Variants in RBFOX1 observed in about 807,000 individuals in gnomAD.
The protein encoded by RBFOX1 is RNA binding protein fox-1 homolog 1.
A neutral mutation model predicts 57.7 loss-of-function variants in RBFOX1; 8 were observed. The observed-to-expected ratio is 0.14, with a 90% CI of 0.08 to 0.25. The LOEUF (loss-of-function observed/expected upper bound fraction) is 0.25. RBFOX1 is among the 10% of genes least tolerant of loss of function. The pLI, the probability that RBFOX1 is intolerant of heterozygous loss-of-function variation, is 1.00. For synonymous variants in RBFOX1, 326 were observed against 222.4 expected (o/e 1.47, Z -4.15); for missense variants, 611 against 548.5 (o/e 1.11, Z -1.14).
intron 4 of RBFOX1, among the ~76,000 whole-genome samples, chr16:7,398,749 C>A (rs928982803): frequency 1.3e-5 from 2 of 152,184 alleles, no homozygotes; most frequent in Non-Finnish European, 2.9e-5. Flanking sequence ...GACTACAAAT[C>A]CCAGCTCTAG....
intron 3 of RBFOX1, among the ~76,000 whole-genome samples, chr16:6,933,936 A>T (rs2076961398): frequency 6.6e-6 from 1 of 152,192 alleles, no homozygotes; most frequent in Non-Finnish European, 1.5e-5. Context: ...AAAAAACAAC[A>T]ACATGGTATT....
chr16:6,764,742 A>G (rs1391000713), intron 3 of RBFOX1, among the ~76,000 whole-genome samples: 1 of 152,022 alleles, frequency 6.6e-6, no homozygotes, highest in African/African-American at 2.4e-5. Flanking sequence ...TACGAGACCA[A>G]CCTGGCCAAC....
Position 6,132,158 on chromosome 16 carries a change from T to C in RBFOX1, c.-127+112166T>C, listed in dbSNP as rs935785231. On this transcript the variant is annotated intron_variant, in intron 1 of 15. Coordinates refer to ENST00000550418, the MANE Select transcript of RBFOX1 (RefSeq NM_018723.4). ...AAATGTCTGACTGCCCTGGAACCTT[T>C]TTCCCCATGGGTGGTATGTGACTTT... 4.6e-5 allele frequency among the ~76,000 whole-genome samples: 7 copies of C among 152,340 alleles called. No homozygotes were observed. The South Asian group carries it at 1.4e-3, about 32-fold the overall frequency.
At chr16:6,514,985 C>T (rs557868253) in intron 2 of RBFOX1, among the ~76,000 whole-genome samples, 1 of 151,978 alleles carries the variant, frequency 6.6e-6, no homozygotes, top group South Asian at 2.1e-4. Flanking sequence ...AGAACAAAAA[C>T]AACCAGAGAA....
intron 1 of RBFOX1, among the ~76,000 whole-genome samples, chr16:5,286,392 C>T (rs368275398): frequency 1.3e-5 from 2 of 152,204 alleles, no homozygotes; most frequent in South Asian, 2.1e-4. Flanking sequence ...GGTAAGCTGG[C>T]GTTTCCTCAG....
intron 1 of RBFOX1, among the ~76,000 whole-genome samples, chr16:5,425,703 G>A (rs1281519079): frequency 6.6e-6 from 1 of 152,144 alleles, no homozygotes; most frequent in Admixed American, 6.5e-5. Flanking sequence ...AGGGGAGAGT[G>A]GCAAGAGGTC....
At chr16:7,603,884 TA>T (rs1220615989) in intron 9 of RBFOX1, among the ~76,000 whole-genome samples, 1 of 152,030 alleles carries the variant, frequency 6.6e-6, no homozygotes, top group Middle Eastern at 3.2e-3. Flanking sequence ...ATGTTTTTTT[TA>T]AAAAAATTGC....
chr16:5,538,501 C>G (rs938519623), intron 2 of RBFOX1, among the ~76,000 whole-genome samples: 5 of 152,170 alleles, frequency 3.3e-5, no homozygotes, highest in African/African-American at 1.2e-4. Context: ...AAGGGTAACA[C>G]TGGCTTGAGG....
At chr16:7,612,376 C>G (rs947250072) in intron 10 of RBFOX1, among the ~76,000 whole-genome samples, 1 of 143,600 alleles carries the variant, frequency 7.0e-6, no homozygotes, top group African/African-American at 2.6e-5. Context: ...TCCCCACACA[C>G]AAATCCAGGT....
At chr16:6,483,385 C>A in intron 2 of RBFOX1, 2 of 1,528,370 alleles carry the variant, frequency 1.3e-6, no homozygotes, top group Admixed American at 2.0e-5. Context: ...GCGCGCACGA[C>A]AGATGACTGG....
At chr16:7,333,308 T>C (rs2096726242) in intron 4 of RBFOX1, among the ~76,000 whole-genome samples, 1 of 152,210 alleles carries the variant, frequency 6.6e-6, no homozygotes, top group African/African-American at 2.4e-5. Flanking sequence ...TATTTGCTTG[T>C]ATTGATCTGA....
At chr16:7,099,348 C>G (rs1015589748) in intron 4 of RBFOX1, among the ~76,000 whole-genome samples, 1 of 152,110 alleles carries the variant, frequency 6.6e-6, no homozygotes, top group African/African-American at 2.4e-5. Context: ...ACCAGCTTCT[C>G]CTCGTAGGAT....
At chr16:6,021,180 G>A (rs1189981498) in intron 1 of RBFOX1, among the ~76,000 whole-genome samples, 6 of 152,142 alleles carry the variant, frequency 3.9e-5, no homozygotes, top group Non-Finnish European at 1.5e-5. Flanking sequence ...TCCTAACTTG[G>A]GTTTTCCTTT....
intron 1 of RBFOX1, among the ~76,000 whole-genome samples, chr16:6,043,142 AAAAAAAAAAAAAAAAAAAAAG>A: frequency 5.1e-5 from 5 of 97,722 alleles, no homozygotes; most frequent in African/African-American, 1.4e-4. Context: ...AAAAAAAAAA[AAAAAAAAAAAAAAAAAAAAAG>A]ATAAGGGGCG....
intron 2 of RBFOX1, among the ~76,000 whole-genome samples, chr16:6,556,266 G>T (rs57829877): frequency 2.0e-5 from 3 of 151,988 alleles, no homozygotes; most frequent in Admixed American, 2.0e-4. Context: ...GTACAAAAAG[G>T]CATCTTTGTC....
chr16:6,142,236 T>G (rs1203241875), intron 1 of RBFOX1, among the ~76,000 whole-genome samples: 1 of 148,852 alleles, frequency 6.7e-6, no homozygotes, highest in Admixed American at 6.7e-5. Flanking sequence ...TTTTTTTTTT[T>G]TTGGAGACGG....
intron 4 of RBFOX1, among the ~76,000 whole-genome samples, chr16:7,113,778 C>G (rs1357791301): frequency 6.6e-6 from 1 of 152,036 alleles, no homozygotes; most frequent in Admixed American, 6.6e-5. Flanking sequence ...TATTTGCTCC[C>G]TTATTGATGA....
At chr16:6,999,499 T>C (rs1006619478) in intron 3 of RBFOX1, among the ~76,000 whole-genome samples, 12 of 151,810 alleles carry the variant, frequency 7.9e-5, no homozygotes, top group African/African-American at 2.9e-4. Flanking sequence ...TTCTCAGTTG[T>C]TTAATGGTGG....
chr16:5,391,178 A>G (rs2066397776), intron 1 of RBFOX1, among the ~76,000 whole-genome samples: 2 of 152,238 alleles, frequency 1.3e-5, no homozygotes, highest in Admixed American at 1.3e-4. Context: ...AACTTGGGGC[A>G]TTAGTTTACT....
Sources: allele counts gnomAD v4.1 joint callset (sites outside exome capture counted in the v4.1 genomes callset), GRCh38; gene constraint gnomAD v4.1.1; transcripts MANE v1.5; gene names NCBI Gene and HGNC (gene_info 2026-07-23, HGNC 2026-07-21).